Variants in B4GALT5 observed in about 807,000 individuals in gnomAD.
The protein encoded by B4GALT5 is beta-1,4-galactosyltransferase 5, also known as UDP-Gal:beta-GlcNAc beta-1,4-galactosyltransferase 5.
In B4GALT5, 11 loss-of-function variants were observed where a neutral mutation model predicts 45.0. The ratio of observed to expected loss-of-function variants is 0.24; its 90% CI spans 0.15 to 0.40. The LOEUF (loss-of-function observed/expected upper bound fraction) is 0.40. Ranked by LOEUF, B4GALT5 falls within the 10% of genes least tolerant of loss-of-function variation. B4GALT5 has a pLI of 1.00. For missense variants in B4GALT5, 337 were observed against 500.2 expected (o/e 0.67, Z 3.11); for synonymous variants, 185 against 182.9 (o/e 1.01, Z -0.09).
At chr20:49,695,469 T>C (rs1437686394) in intron 1 of B4GALT5, among the ~76,000 whole-genome samples, 2 of 151,346 alleles carry the variant, frequency 1.3e-5, no homozygotes, top group African/African-American at 2.4e-5. Flanking sequence ...TGGAGCGCAA[T>C]GGCGCAATCT....
intron 1 of B4GALT5, among the ~76,000 whole-genome samples, chr20:49,711,438 T>C (rs77104753): frequency 0.014 from 2,140 of 152,322 alleles, 25 homozygotes; most frequent in Middle Eastern, 0.027. Flanking sequence ...CAGTGGGATA[T>C]AGTTTTCCAT....
chr20:49,679,691 C>A (rs1394732086), intron 1 of B4GALT5, among the ~76,000 whole-genome samples: 30 of 151,084 alleles, frequency 2.0e-4, no homozygotes, highest in Middle Eastern at 6.8e-3. Context: ...AAAACAAAAA[C>A]AAAAAACAAA....
intron 1 of B4GALT5, among the ~76,000 whole-genome samples, chr20:49,657,624 A>G (rs1286549254): frequency 6.6e-6 from 1 of 152,170 alleles, no homozygotes; most frequent in Non-Finnish European, 1.5e-5. Flanking sequence ...ACAGGGGTGG[A>G]ACATTTACAA....
chr20:49,682,910 T>C (rs533798347), intron 1 of B4GALT5, among the ~76,000 whole-genome samples: 16 of 151,958 alleles, frequency 1.1e-4, no homozygotes, highest in African/African-American at 3.1e-4. Flanking sequence ...CTGGGCAACA[T>C]AGGAAGGCCC....
chr20:49,637,698 C>A (rs952274129), intron 7 of B4GALT5, among the ~76,000 whole-genome samples: 11 of 151,696 alleles, frequency 7.3e-5, no homozygotes, highest in Non-Finnish European at 1.3e-4. Context: ...CTTTGGGAGG[C>A]CGAGGTGGGC....
At chr20:49,694,627 G>T (rs751038108) in intron 1 of B4GALT5, among the ~76,000 whole-genome samples, 30 of 139,296 alleles carry the variant, frequency 2.2e-4, no homozygotes, top group Non-Finnish European at 3.7e-4. Context: ...ACACAGCAAG[G>T]CCCTGCTGAG....
At chr20:49,677,599 AAG>A (rs2085743845) in intron 1 of B4GALT5, among the ~76,000 whole-genome samples, 1 of 152,268 alleles carries the variant, frequency 6.6e-6, no homozygotes, top group African/African-American at 2.4e-5. Flanking sequence ...TGTCTGCAAA[AAG>A]AGTGGAAATT....
At chr20:49,645,963 G>A (rs1190417978) in intron 3 of B4GALT5, among the ~76,000 whole-genome samples, 7 of 150,328 alleles carry the variant, frequency 4.7e-5, no homozygotes, top group Non-Finnish European at 1.0e-4. Context: ...AGGTGGGAGG[G>A]TTGTTTGAGG....
chr20:49,669,842 A>T (rs1425349690), intron 1 of B4GALT5, among the ~76,000 whole-genome samples: 1 of 152,084 alleles, frequency 6.6e-6, no homozygotes, highest in Non-Finnish European at 1.5e-5. Flanking sequence ...TCATAGTGAA[A>T]CTGATACTTC....
chr20:49,659,042 C>G (rs2085654610), intron 1 of B4GALT5, among the ~76,000 whole-genome samples: 2 of 152,156 alleles, frequency 1.3e-5, no homozygotes, highest in Admixed American at 1.3e-4. Flanking sequence ...GAATTTGAAC[C>G]AGGTGTGTCT....
At chr20:49,667,101 G>C (rs934959410) in intron 1 of B4GALT5, among the ~76,000 whole-genome samples, 8 of 152,140 alleles carry the variant, frequency 5.3e-5, no homozygotes, top group Admixed American at 4.6e-4. Context: ...TTCACAGCAG[G>C]CTTTGTCTCC....
chr20:49,691,105 G>A (rs1395564406), intron 1 of B4GALT5, among the ~76,000 whole-genome samples: 1 of 152,134 alleles, frequency 6.6e-6, no homozygotes, highest in Non-Finnish European at 1.5e-5. Context: ...AAACTTCCTG[G>A]AGGGTTAAGT....
At chr20:49,654,385 C>T (rs1359915187) in intron 2 of B4GALT5, among the ~76,000 whole-genome samples, 1 of 152,226 alleles carries the variant, frequency 6.6e-6, no homozygotes, top group African/African-American at 2.4e-5. Flanking sequence ...ACGGAAACTG[C>T]AGGGTTTCCT....
intron 1 of B4GALT5, chr20:49,684,714 G>A (rs192971522): frequency 6.0e-6 from 3 of 500,890 alleles, no homozygotes; most frequent in East Asian, 5.9e-5. Flanking sequence ...GAAGAGCCAC[G>A]TCCTTGTTCA....
rs1384584338 is a variant in B4GALT5 at position 49,633,512 on chromosome 20, A to G, written c.*2800T>C. The G allele has an allele frequency of 6.6e-6, 1 of 151,118 alleles. No individual in the cohort carries two copies. Among genetic ancestry groups the G allele is most frequent in the Non-Finnish European group, 1.5e-5 (1 of 67,950 alleles). The allele number at this position is 151,118 out of a possible 1,614,324, so 9.4% of individuals were successfully genotyped here. A position where few individuals can be genotyped will look rare whatever the true frequency, so the allele number is the denominator to read the frequency against. On this transcript the variant is annotated 3_prime_UTR_variant, in exon 9 of 9. Coordinates refer to ENST00000371711, the MANE Select transcript of B4GALT5 (RefSeq NM_004776.4). ...CTGGCTGTACGTTTTTAACTATGAC[A>G]TTTCCCATATGATATTCGAGGCCTG...
chr20:49,707,834 G>T (rs79999885), intron 1 of B4GALT5, among the ~76,000 whole-genome samples: 1 of 151,398 alleles, frequency 6.6e-6, no homozygotes, highest in African/African-American at 2.4e-5. Context: ...GGATCGTCTT[G>T]AACTCCTGGA....
chr20:49,663,827 C>G (rs1283542457), intron 1 of B4GALT5, among the ~76,000 whole-genome samples: 1 of 151,006 alleles, frequency 6.6e-6, no homozygotes, highest in Non-Finnish European at 1.5e-5. Flanking sequence ...TACTCCGATA[C>G]ATTCTTTGAG....
chr20:49,693,132 T>G (rs2085823569), intron 1 of B4GALT5, among the ~76,000 whole-genome samples: 1 of 152,212 alleles, frequency 6.6e-6, no homozygotes, highest in Non-Finnish European at 1.5e-5. Context: ...TCCATGATGT[T>G]GCCACAATGA....
intron 1 of B4GALT5, among the ~76,000 whole-genome samples, chr20:49,706,627 C>T (rs1159365937): frequency 6.6e-6 from 1 of 152,168 alleles, no homozygotes; most frequent in Admixed American, 6.5e-5. Flanking sequence ...TGTGCAAAGG[C>T]AAGCATACCT....
Sources: allele counts gnomAD v4.1 joint callset (sites outside exome capture counted in the v4.1 genomes callset), GRCh38; gene constraint gnomAD v4.1.1; transcripts MANE v1.5; gene names NCBI Gene and HGNC (gene_info 2026-07-23, HGNC 2026-07-21).